NUP214: variants seen among roughly 807,000 people sequenced by gnomAD.
The protein encoded by NUP214 is nucleoporin 214, also known as nuclear pore complex protein Nup214.
NUP214 carries 79 observed loss-of-function variants against 196.2 expected under a neutral mutation model. The ratio of observed to expected loss-of-function variants is 0.40; its 90% CI spans 0.34 to 0.49. The LOEUF is 0.49. Among genes scored for constraint, NUP214 ranks in the 20% least tolerant of loss-of-function variants. The probability of loss-of-function intolerance (pLI) is 0.58; values close to 1 mark genes in which losing one functional copy is unlikely to be tolerated. For missense variants in NUP214, 2,468 were observed against 2,539.0 expected, an observed-to-expected ratio of 0.97 and a Z score of 0.60; for synonymous variants, 1,020 against 990.5, an observed-to-expected ratio of 1.03 and a Z score of -0.56.
intron 30 of NUP214, 51 bp from the exon 31 acceptor site, chr9:131,215,161 T>G: frequency 1.4e-6 from 2 of 1,416,780 alleles, no homozygotes; most frequent in Non-Finnish European, 1.9e-6. Context: ...AGCCTGCCAT[T>G]TCACGATGAC....
intron 11 of NUP214, among the ~76,000 whole-genome samples, chr9:131,143,707 T>G (rs932373026): frequency 6.6e-6 from 1 of 152,188 alleles, no homozygotes; most frequent in African/African-American, 2.4e-5. Flanking sequence ...GAAAACATCT[T>G]ATTTGTCATT....
chr9:131,160,147 A>C (rs936626301), intron 18 of NUP214, among the ~76,000 whole-genome samples: 9 of 152,108 alleles, frequency 5.9e-5, no homozygotes, highest in Non-Finnish European at 1.3e-4. Context: ...TATTGAATAC[A>C]TATTCTATGT....
At chr9:131,222,753 C>T (rs1235794496) in intron 31 of NUP214, 25 bp from the exon 32 acceptor site, 2 of 1,602,886 alleles carry the variant, frequency 1.2e-6, no homozygotes, top group East Asian at 2.2e-5. Flanking sequence ...TCCCTCTGAC[C>T]TCCCTCACAT....
chr9:131,157,342 G>A (rs1216795707), intron 17 of NUP214, among the ~76,000 whole-genome samples: 2 of 151,540 alleles, frequency 1.3e-5, no homozygotes, highest in Non-Finnish European at 2.9e-5. Context: ...TAAAATTTTT[G>A]TAGAGATGGG....
In NUP214 at chr9:131,233,560, C is replaced by G; in HGVS notation, c.*73C>G. 1 of 1,570,848 alleles carries G rather than the reference C, an allele frequency of 6.4e-7. No individual in the cohort carries two copies. ...GCTTCTTCCCCGAGAAATGCTGGAG[C>G]AGGCTGTTCAGACCGACGTTGCCAT... On this transcript the variant is annotated 3_prime_UTR_variant, in exon 36 of 36. Coordinates refer to ENST00000359428, the MANE Select transcript of NUP214 (RefSeq NM_005085.4).
intron 24 of NUP214, among the ~76,000 whole-genome samples, chr9:131,183,042 A>G (rs2131015537): frequency 6.6e-6 from 1 of 152,290 alleles, no homozygotes; most frequent in East Asian, 1.9e-4. Flanking sequence ...CTTCCACTGT[A>G]TTGTAAACCT....
chr9:131,229,070 C>G (rs1834800921), intron 33 of NUP214: 1 of 152,328 alleles, frequency 6.6e-6, no homozygotes. Flanking sequence ...TTCTAAAACG[C>G]CTCTTGCCGC....
At chr9:131,189,021 A>C (rs1341209676) in intron 25 of NUP214, 32 bp from the exon 26 acceptor site, 1 of 1,475,516 alleles carries the variant, frequency 6.8e-7, no homozygotes, top group East Asian at 2.3e-5. Context: ...TTAGTGGTTT[A>C]ACATAAACAT....
intron 24 of NUP214, among the ~76,000 whole-genome samples, chr9:131,181,338 T>C (rs777811339): frequency 2.0e-5 from 3 of 152,160 alleles, no homozygotes; most frequent in Non-Finnish European, 2.9e-5. Context: ...AGTGTCTGTT[T>C]GAGTCCCTGC....
At chr9:131,210,585 C>CCA (rs1834212620) in intron 30 of NUP214, among the ~76,000 whole-genome samples, 1 of 152,010 alleles carries the variant, frequency 6.6e-6, no homozygotes, top group South Asian at 2.1e-4. Flanking sequence ...CGAGATCACA[C>CCA]CACTGCACTC....
intron 27 of NUP214, among the ~76,000 whole-genome samples, chr9:131,193,380 G>A (rs1477826778): frequency 1.3e-5 from 2 of 152,248 alleles, no homozygotes; most frequent in East Asian, 3.9e-4. Context: ...ATATTAACCA[G>A]TCTCTTTTTC....
chr9:131,171,340 G>T (rs1832950886), intron 21 of NUP214, among the ~76,000 whole-genome samples: 1 of 152,166 alleles, frequency 6.6e-6, no homozygotes, highest in African/African-American at 2.4e-5. Flanking sequence ...GTCTCTTTCT[G>T]TCTAGTTCTT....
intron 5 of NUP214, among the ~76,000 whole-genome samples, chr9:131,131,654 CT>C (rs1831547177): frequency 6.6e-6 from 1 of 152,026 alleles, no homozygotes; most frequent in Non-Finnish European, 1.5e-5. Context: ...AATTTTCTTG[CT>C]TTGCTGTTTG....
At chr9:131,147,445 A>T in intron 13 of NUP214, 45 bp from the exon 14 acceptor site, 1 of 1,340,246 alleles carries the variant, frequency 7.5e-7, no homozygotes, top group Non-Finnish European at 1.1e-6. Context: ...GGAGAAATAA[A>T]GGTAATAAAT....
Position 131,151,974 on chromosome 9 carries a change from T to G in NUP214, c.2436+80T>G, listed in dbSNP as rs141716382. On this transcript the variant is annotated intron_variant, in intron 17 of 35. Coordinates refer to ENST00000359428, the MANE Select transcript of NUP214 (RefSeq NM_005085.4). ...ATTGCTACCTCTTTTTGCATATAGA[T>G]TTGGATGATGGCTCTTTTTGAAGTT... is the stretch of plus-strand genomic sequence containing the variant. 178 of 1,115,912 alleles carry G rather than the reference T, an allele frequency of 1.6e-4. 1 individual carries two copies. In the East Asian group the frequency reaches 4.4e-3, roughly 28 times the overall value. 69.1% of individuals were successfully genotyped at this position (1,115,912 alleles called of 1,614,324 possible). A position where few individuals can be genotyped will look rare whatever the true frequency, so the allele number is the denominator to read the frequency against.
rs765982027 is a variant in NUP214 at position 131,129,414 on chromosome 9, C to T, written c.529C>T (p.Leu177=). Residue 177 remains leucine (L), a synonymous_variant, in exon 4 of 36, where the codon CTG becomes TTG. Transcript: ENST00000359428. The part of the protein sequence containing the change: ...VCLADGSIAV[L]QVTETVKVCA... ...TCTGGCTGATGGTAGTATTGCTGTCCTGCAAGTCACGGAAACAGTGAAAGT... is the reference window on the plus strand; with the variant it reads ...TCTGGCTGATGGTAGTATTGCTGTCTTGCAAGTCACGGAAACAGTGAAAGT... The T allele has an allele frequency of 1.2e-6, 2 of 1,614,220 alleles. No homozygotes were observed. Among genetic ancestry groups the T allele is most frequent in the South Asian group, 2.2e-5 (2 of 91,086 alleles).
intron 4 of NUP214, among the ~76,000 whole-genome samples, chr9:131,130,387 C>T (rs1338725042): frequency 2.0e-5 from 3 of 151,798 alleles, no homozygotes; most frequent in Non-Finnish European, 4.4e-5. Context: ...TCAAGTGATC[C>T]GTCCGTCTCA....
rs1362413097 is a variant in NUP214 at position 131,198,570 on chromosome 9, C to T, written c.5076C>T (p.Ser1692=). The part of the protein sequence containing the change: ...APSLFGQQTG[S]TASTAAATPQ... ...GTCTGTTTGGGCAGCAGACTGGTAG[C>T]ACAGCCAGCACAGCAGCTGCCACAC... The change falls in exon 29 of 36, where the codon AGC becomes AGT. Residue 1692 remains serine (S), a synonymous_variant. Transcript: ENST00000359428. The T allele has an allele frequency of 6.2e-7, 1 of 1,614,064 alleles. No individual in the cohort carries two copies. Among genetic ancestry groups the T allele is most frequent in the Admixed American group, 1.7e-5 (1 of 60,006 alleles).
chr9:131,144,837 G>C, intron 12 of NUP214, 83 bp downstream of exon 12: 1 of 1,117,268 alleles, frequency 9.0e-7, no homozygotes, highest in Non-Finnish European at 1.3e-6. Flanking sequence ...GTCACTCTGA[G>C]AGGAGTTAAC....
Sources: gnomAD v4.1 joint callset for allele counts (sites outside exome capture counted in the v4.1 genomes callset) on GRCh38, gnomAD v4.1.1 for gene constraint, MANE v1.5 for transcripts, NCBI Gene and HGNC (gene_info 2026-07-23, HGNC 2026-07-21) for gene names.